The following ZPLD1 variants were observed in gnomAD, a reference collection of about 807,000 sequenced individuals.
The protein encoded by ZPLD1 is zona pellucida like domain containing 1.
Under a neutral mutation model 47.2 loss-of-function variants are expected in ZPLD1, and 34 were observed. The ratio of observed to expected loss-of-function variants is 0.72; its 90% confidence interval spans 0.55 to 0.96. The LOEUF is 0.96. Among genes scored for constraint, ZPLD1 ranks in the 40% least tolerant of loss-of-function variants. The probability of loss-of-function intolerance (pLI) is 0.00; values close to 1 mark genes in which losing one functional copy is unlikely to be tolerated. For missense variants in ZPLD1, 512 were observed against 505.8 expected, an observed-to-expected ratio of 1.01 and a Z score of -0.12; for synonymous variants, 176 against 186.2, an observed-to-expected ratio of 0.95 and a Z score of 0.45.
intron 6 of ZPLD1, among the ~76,000 whole-genome samples, chr3:102,388,841 G>A (rs978158014): frequency 6.6e-6 from 1 of 152,122 alleles, no homozygotes; most frequent in South Asian, 2.1e-4. Flanking sequence ...CTTTAGAGAA[G>A]AGACTTCTGA....
At chr3:102,409,227 G>C (rs925889763) in intron 7 of ZPLD1, among the ~76,000 whole-genome samples, 5 of 151,682 alleles carry the variant, frequency 3.3e-5, no homozygotes, top group African/African-American at 1.2e-4. Context: ...AGAAAAATAG[G>C]GGTCAGATTT....
At chr3:102,451,500 G>A (rs1474098418) in intron 3 of ZPLD1, among the ~76,000 whole-genome samples, 2 of 152,136 alleles carry the variant, frequency 1.3e-5, no homozygotes, top group African/African-American at 4.8e-5. Flanking sequence ...ATAAAAAATG[G>A]TAAAGTCACT....
intron 3 of ZPLD1, among the ~76,000 whole-genome samples, chr3:102,447,759 G>C (rs952660778): frequency 4.6e-5 from 7 of 152,092 alleles, no homozygotes; most frequent in South Asian, 2.1e-4. Context: ...CAAGAACAAA[G>C]TTAGATATAT....
At chr3:102,415,373 T>C (rs535196866) in intron 7 of ZPLD1, among the ~76,000 whole-genome samples, 2 of 151,768 alleles carry the variant, frequency 1.3e-5, no homozygotes, top group African/African-American at 4.8e-5. Flanking sequence ...CAAAACTATT[T>C]TCTGGCTGCT....
intron 7 of ZPLD1, among the ~76,000 whole-genome samples, chr3:102,414,778 A>C (rs557114631): frequency 2.6e-5 from 4 of 151,870 alleles, no homozygotes; most frequent in African/African-American, 7.2e-5. Flanking sequence ...CCCAAAAAAA[A>C]CAAACAGATG....
chr3:102,465,848 G>A (rs1464040239), intron 8 of ZPLD1, among the ~76,000 whole-genome samples: 1 of 152,152 alleles, frequency 6.6e-6, no homozygotes, highest in Non-Finnish European at 1.5e-5. Flanking sequence ...AAGAGAAAAT[G>A]TTGTAAAAAG....
chr3:102,435,492 C>T lies in ZPLD1; in HGVS notation c.-123+338C>T, dbSNP rs141142029. ...GAAGTTCAGACCTAGACATTGTTTTCCTGCATTGGATGCCCTTGTGGAGGG... is the reference window on the plus strand; with the variant it reads ...GAAGTTCAGACCTAGACATTGTTTTTCTGCATTGGATGCCCTTGTGGAGGG... On this transcript the variant is annotated intron_variant, in intron 1 of 11. Transcript: ENST00000466937. Among the ~76,000 whole-genome samples the T allele has an allele frequency of 1.3e-3, 194 of 152,302 alleles. 1 individual carries two copies. The highest frequency in any genetic ancestry group is 4.4e-3 in the African/African-American group (182 of 41,556).
At chr3:102,422,732 T>C (rs1167039897) in intron 8 of ZPLD1, among the ~76,000 whole-genome samples, 1 of 151,992 alleles carries the variant, frequency 6.6e-6, no homozygotes, top group Admixed American at 6.6e-5. Flanking sequence ...AAACAACTTA[T>C]TGAATTTGGG....
intron 3 of ZPLD1, 144 bp from the exon 4 acceptor site, chr3:102,452,775 C>G: frequency 1.1e-6 from 1 of 894,878 alleles, no homozygotes; most frequent in Non-Finnish European, 1.7e-6. Flanking sequence ...TACTTAATAG[C>G]TGGCACATTG....
At chr3:102,459,576 TAAAA>T (rs1038756470) in intron 6 of ZPLD1, among the ~76,000 whole-genome samples, 2 of 152,160 alleles carry the variant, frequency 1.3e-5, no homozygotes, top group African/African-American at 4.8e-5. Flanking sequence ...TTGTAATGCT[TAAAA>T]AAGCCTATAA....
At chr3:102,419,777 A>G (rs1706854138) in intron 8 of ZPLD1, among the ~76,000 whole-genome samples, 1 of 151,898 alleles carries the variant, frequency 6.6e-6, no homozygotes, top group Non-Finnish European at 1.5e-5. Flanking sequence ...AGCTTTTTCA[A>G]TAGCTTGAAT....
At chr3:102,469,237 T>C in intron 9 of ZPLD1, 102 bp downstream of exon 9, 1 of 1,209,722 alleles carries the variant, frequency 8.3e-7, no homozygotes, top group Non-Finnish European at 1.1e-6. Context: ...GGATATGTGT[T>C]AGATCAAATA....
chr3:102,400,891 T>C (rs1426982138), intron 7 of ZPLD1, among the ~76,000 whole-genome samples: 2 of 152,076 alleles, frequency 1.3e-5, no homozygotes, highest in African/African-American at 4.8e-5. Context: ...TGGCCTATGA[T>C]ATTCAGCATG....
At chr3:102,426,146 ACACACACACACATG>A (rs1706944586) in intron 8 of ZPLD1, among the ~76,000 whole-genome samples, 1 of 151,696 alleles carries the variant, frequency 6.6e-6, no homozygotes, top group Non-Finnish European at 1.5e-5. Context: ...ACACACACAC[ACACACACACACATG>A]CACACACACA....
chr3:102,476,780 T>C (rs1707763746), intron 10 of ZPLD1, among the ~76,000 whole-genome samples: 1 of 152,062 alleles, frequency 6.6e-6, no homozygotes, highest in Non-Finnish European at 1.5e-5. Flanking sequence ...GGGTAGGATG[T>C]GGGCTTGGGG....
At chr3:102,414,671 A>G (rs1282599554) in intron 7 of ZPLD1, among the ~76,000 whole-genome samples, 2 of 151,882 alleles carry the variant, frequency 1.3e-5, no homozygotes, top group East Asian at 3.9e-4. Context: ...CGAAGAAATT[A>G]TAGTACAATA....
At chr3:102,394,322 A>C (rs772780043) in intron 7 of ZPLD1, among the ~76,000 whole-genome samples, 4 of 152,136 alleles carry the variant, frequency 2.6e-5, no homozygotes, top group Non-Finnish European at 2.9e-5. Flanking sequence ...CAAGGATCTC[A>C]TAATAACATC....
rs1707788064 is a variant in ZPLD1, at chr3:102,478,272, G to T, written c.*654G>T. 3.9e-5 allele frequency: 6 copies of T among 152,132 alleles called. No homozygotes were observed. The highest frequency in any genetic ancestry group is 3.9e-4 in the Admixed American group (6 of 15,262). 9.4% of individuals were successfully genotyped at this position (152,132 alleles called of 1,614,324 possible). A position where few individuals can be genotyped will look rare whatever the true frequency, so the allele number is the denominator to read the frequency against. On this transcript the variant is annotated 3_prime_UTR_variant, in exon 12 of 12. Transcript: ENST00000466937. ...TAGCTTCCAAGGCTACTGCTAAGTGGCCCTAGATCATTATTCATTAGAATA... is the reference window on the plus strand; with the variant it reads ...TAGCTTCCAAGGCTACTGCTAAGTGTCCCTAGATCATTATTCATTAGAATA...
chr3:102,470,721 CACAT>C (rs1347765600), intron 10 of ZPLD1, among the ~76,000 whole-genome samples: 1 of 139,410 alleles, frequency 7.2e-6, no homozygotes, highest in Non-Finnish European at 1.5e-5. Flanking sequence ...TTTTCACACA[CACAT>C]ACACACACAC....
Sources: allele counts gnomAD v4.1 joint callset (sites outside exome capture counted in the v4.1 genomes callset), GRCh38; gene constraint gnomAD v4.1.1; transcripts MANE v1.5; gene names NCBI Gene and HGNC (gene_info 2026-07-23, HGNC 2026-07-21).